RABGAP1L: variants seen among roughly 807,000 people sequenced by gnomAD.
RABGAP1L encodes the protein rab GTPase-activating protein 1-like.
RABGAP1L carries 63 observed loss-of-function variants against 137.7 expected under a neutral mutation model. The observed-to-expected ratio is 0.46, with a 90% confidence interval of 0.37 to 0.56. The LOEUF (loss-of-function observed/expected upper bound fraction) is 0.56, where lower values mean the gene tolerates loss of function less well. Among genes scored for constraint, RABGAP1L ranks in the 20% least tolerant of loss-of-function variants. The pLI is 0.00. For missense variants in RABGAP1L, 1,095 were observed against 1,244.0 expected, an observed-to-expected ratio of 0.88 and a Z score of 1.80; for synonymous variants, 431 against 433.7, an observed-to-expected ratio of 0.99 and a Z score of 0.08.
chr1:174,606,953 C>A (rs1670837593), intron 13 of RABGAP1L, among the ~76,000 whole-genome samples: 1 of 152,046 alleles, frequency 6.6e-6, no homozygotes, highest in South Asian at 2.1e-4. Flanking sequence ...CCTGTTTAAT[C>A]AAGAATAAAA....
chr1:174,717,748 T>C (rs926529909), intron 17 of RABGAP1L, among the ~76,000 whole-genome samples: 5 of 151,994 alleles, frequency 3.3e-5, no homozygotes, highest in African/African-American at 1.2e-4. Context: ...TTGCTTTCTG[T>C]TTGTCTGGTG....
intron 13 of RABGAP1L, among the ~76,000 whole-genome samples, chr1:174,476,227 A>G (rs1026541152): frequency 6.6e-6 from 1 of 152,164 alleles, no homozygotes; most frequent in African/African-American, 2.4e-5. Flanking sequence ...AAACTATCAA[A>G]TGCTCTGAAA....
rs1364129940 is a variant in RABGAP1L, at chr1:174,233,727, C to T, written c.542+2372C>T. 4.5e-5 allele frequency among the ~76,000 whole-genome samples: 6 copies of T among 133,764 alleles called. 1 individual carries two copies. The highest frequency in any genetic ancestry group is 1.5e-4 in the African/African-American group (4 of 27,128). 87.8% of individuals were successfully genotyped at this position (133,764 alleles called of 152,430 possible). On this transcript the variant is annotated intron_variant, in intron 4 of 25. Transcript: ENST00000681986. ...TGTGAATAATGCTGCAATAAACATACGTGTGCATGTGTCTTTATAGCAGCA... is the reference window on the plus strand; with the variant it reads ...TGTGAATAATGCTGCAATAAACATATGTGTGCATGTGTCTTTATAGCAGCA...
At chr1:174,391,477 C>T (rs1036498773) in intron 12 of RABGAP1L, among the ~76,000 whole-genome samples, 6 of 152,122 alleles carry the variant, frequency 3.9e-5, no homozygotes, top group Admixed American at 2.0e-4. Flanking sequence ...CCACCATGGC[C>T]GGCTAAGTTT....
intron 19 of RABGAP1L, among the ~76,000 whole-genome samples, chr1:174,932,209 G>A (rs1019462652): frequency 6.7e-6 from 1 of 149,694 alleles, no homozygotes; most frequent in South Asian, 2.1e-4. Context: ...TTTCTCTAAG[G>A]TTTTCAAAGA....
intron 17 of RABGAP1L, among the ~76,000 whole-genome samples, chr1:174,739,869 T>C (rs964040295): frequency 1.3e-5 from 2 of 152,214 alleles, no homozygotes; most frequent in South Asian, 2.1e-4. Flanking sequence ...GTTATACAGA[T>C]GGTGGCATAG....
At chr1:174,464,833 T>C (rs1215091198) in intron 13 of RABGAP1L, among the ~76,000 whole-genome samples, 1 of 152,136 alleles carries the variant, frequency 6.6e-6, no homozygotes, top group Non-Finnish European at 1.5e-5. Flanking sequence ...TTTTATTATA[T>C]TCTCTATGTG....
At chr1:174,219,058 C>A in intron 1 of RABGAP1L, 67 bp from the exon 2 acceptor site, 1 of 1,189,736 alleles carries the variant, frequency 8.4e-7, no homozygotes, top group Non-Finnish European at 1.2e-6. Context: ...TTTATTAGTT[C>A]ATGTTTTTAA....
chr1:174,643,981 A>T (rs976129605), intron 14 of RABGAP1L, among the ~76,000 whole-genome samples: 6 of 151,528 alleles, frequency 4.0e-5, no homozygotes, highest in Admixed American at 1.3e-4. Context: ...GGTTAATTTC[A>T]TACTTACCCT....
chr1:174,937,226 G>A (rs960886818), intron 19 of RABGAP1L, among the ~76,000 whole-genome samples: 1 of 151,498 alleles, frequency 6.6e-6, no homozygotes, highest in Admixed American at 6.6e-5. Flanking sequence ...TGATCTACCC[G>A]CTTCGGCCTC....
chr1:174,393,881 T>G, intron 12 of RABGAP1L, 114 bp from the exon 13 acceptor site: 1 of 1,177,474 alleles, frequency 8.5e-7, no homozygotes, highest in Non-Finnish European at 1.2e-6. Flanking sequence ...CCCCACAAAC[T>G]GTTTTCTCTT....
At chr1:174,853,224 G>C (rs1484259853) in intron 19 of RABGAP1L, among the ~76,000 whole-genome samples, 1 of 129,632 alleles carries the variant, frequency 7.7e-6, no homozygotes, top group African/African-American at 3.7e-5. Flanking sequence ...AAGGAGGCTG[G>C]GTTGTTTTTT....
intron 3 of RABGAP1L, among the ~76,000 whole-genome samples, chr1:174,230,281 A>G (rs184060358): frequency 1.2e-3 from 186 of 152,034 alleles, no homozygotes; most frequent in African/African-American, 4.4e-3. Flanking sequence ...TAGCATTAGG[A>G]GATATACCTA....
intron 13 of RABGAP1L, among the ~76,000 whole-genome samples, chr1:174,614,627 C>A (rs1671610015): frequency 6.6e-6 from 1 of 152,164 alleles, no homozygotes; most frequent in Non-Finnish European, 1.5e-5. Flanking sequence ...GTTGGCCTGC[C>A]TTGCTAGATT....
intron 1 of RABGAP1L, among the ~76,000 whole-genome samples, chr1:174,199,126 T>C (rs1272343928): frequency 2.0e-5 from 3 of 152,050 alleles, no homozygotes; most frequent in African/African-American, 7.3e-5. Flanking sequence ...GAAAAAGTTC[T>C]TATTACTGAG....
chr1:174,429,746 A>AAAAATAAAAATAAAAAT (rs537553649), intron 13 of RABGAP1L, among the ~76,000 whole-genome samples: 7 of 151,110 alleles, frequency 4.6e-5, no homozygotes, highest in African/African-American at 1.7e-4. Context: ...TCTCAAAAAA[A>AAAAATAAAAATAAAAAT]AAAAATAAAA....
intron 19 of RABGAP1L, among the ~76,000 whole-genome samples, chr1:174,813,982 CAG>C (rs1340031936): frequency 6.6e-6 from 1 of 152,086 alleles, no homozygotes; most frequent in African/African-American, 2.4e-5. Context: ...AGGGAAATCT[CAG>C]AGGATTGCCA....
intron 11 of RABGAP1L, among the ~76,000 whole-genome samples, chr1:174,333,133 T>C (rs1032292419): frequency 3.3e-5 from 5 of 152,120 alleles, no homozygotes; most frequent in Non-Finnish European, 7.4e-5. Flanking sequence ...CTAGAAGTTG[T>C]GAGTACAATA....
chr1:174,641,475 G>A (rs376028372), intron 14 of RABGAP1L, among the ~76,000 whole-genome samples: 2 of 152,250 alleles, frequency 1.3e-5, no homozygotes, highest in Middle Eastern at 3.4e-3. Context: ...CAAATTAATA[G>A]ATTTCTGCAA....
Sources: allele counts gnomAD v4.1 joint callset (sites outside exome capture counted in the v4.1 genomes callset), GRCh38; gene constraint gnomAD v4.1.1; transcripts MANE v1.5; gene names NCBI Gene and HGNC (gene_info 2026-07-23, HGNC 2026-07-21).